Variants in SULF2 observed in about 807,000 individuals in gnomAD.
SULF2 encodes the protein sulfatase 2.
In SULF2, 52 loss-of-function variants were observed where a neutral mutation model predicts 107.7. The observed-to-expected ratio is 0.48, with a 90% CI of 0.39 to 0.61. The LOEUF is 0.61. Ranked by LOEUF, SULF2 falls within the 20% of genes least tolerant of loss-of-function variation. The pLI is 0.00. For missense variants in SULF2, 993 were observed against 1,177.3 expected, an observed-to-expected ratio of 0.84 and a Z score of 2.29; for synonymous variants, 460 against 464.3, an observed-to-expected ratio of 0.99 and a Z score of 0.12.
intron 1 of SULF2, among the ~76,000 whole-genome samples, chr20:47,767,831 G>C (rs780757821): frequency 6.6e-6 from 1 of 151,636 alleles, no homozygotes; most frequent in South Asian, 2.1e-4. Context: ...TCAGTTACTC[G>C]GGAGGCCAAG....
intron 2 of SULF2, among the ~76,000 whole-genome samples, chr20:47,742,780 A>G (rs563621036): frequency 7.9e-5 from 12 of 152,166 alleles, no homozygotes; most frequent in Admixed American, 2.0e-4. Flanking sequence ...GATAAAATCA[A>G]TATTTTGCTG....
At chr20:47,702,908 C>G (rs981398896) in intron 3 of SULF2, among the ~76,000 whole-genome samples, 7 of 152,132 alleles carry the variant, frequency 4.6e-5, no homozygotes, top group African/African-American at 1.7e-4. Context: ...ATTTGCGATA[C>G]AGTGTGTCTT....
chr20:47,690,824 G>T (rs1474455083), intron 4 of SULF2, among the ~76,000 whole-genome samples: 2 of 147,436 alleles, frequency 1.4e-5, no homozygotes, highest in Admixed American at 1.4e-4. Flanking sequence ...AGCCACGACT[G>T]CATGATTGCA....
chr20:47,670,443 T>C (rs2087425209), intron 11 of SULF2, among the ~76,000 whole-genome samples: 1 of 151,356 alleles, frequency 6.6e-6, no homozygotes, highest in African/African-American at 2.4e-5. Flanking sequence ...CCGCCTGCCT[T>C]GGCCTCCCGA....
At chr20:47,723,337 C>T (rs190844586) in intron 3 of SULF2, among the ~76,000 whole-genome samples, 11 of 151,898 alleles carry the variant, frequency 7.2e-5, no homozygotes, top group Middle Eastern at 3.4e-3. Context: ...GTGTCATGGT[C>T]GAGAATGAGA....
chr20:47,669,968 T>G (rs899178495), intron 11 of SULF2, among the ~76,000 whole-genome samples: 5 of 152,134 alleles, frequency 3.3e-5, no homozygotes, highest in Admixed American at 6.5e-5. Context: ...GAAAAGTTAA[T>G]GTAGTAGTTC....
At position 47,742,927 on chromosome 20, in the gene SULF2, A is replaced by ATTTTTTTTTTTTTT. The variant is rs397837137; in HGVS notation, c.176-5999_176-5986dup. The stretch of plus-strand genomic sequence containing the variant: ...AGGGAGTTTCAGGATTCAAAACATG[A>ATTTTTTTTTTTTTT]TTTTTTTTTTTTTTTTTTTTTTTTT... On this transcript the variant is annotated intron_variant, in intron 2 of 20. Coordinates refer to ENST00000688720, the MANE Select transcript of SULF2 (RefSeq NM_001387048.1). Among the ~76,000 whole-genome samples, 21 of 99,452 alleles carry ATTTTTTTTTTTTTT rather than the reference A, an allele frequency of 2.1e-4. 9 individuals carry two copies. The highest frequency in any genetic ancestry group is 2.0e-4 in the Non-Finnish European group (10 of 50,786). 65.2% of individuals were successfully genotyped at this position (99,452 alleles called of 152,430 possible).
At chr20:47,704,072 T>C (rs546365541) in intron 3 of SULF2, among the ~76,000 whole-genome samples, 96 of 152,326 alleles carry the variant, frequency 6.3e-4, no homozygotes, top group African/African-American at 2.3e-3. Context: ...TATTTCTTGC[T>C]GGAGCAGGTG....
chr20:47,681,582 T>G (rs2087824089), intron 7 of SULF2, among the ~76,000 whole-genome samples: 1 of 152,304 alleles, frequency 6.6e-6, no homozygotes, highest in African/African-American at 2.4e-5. Flanking sequence ...CTTCCCTTAC[T>G]TGCTGTAAAC....
intron 1 of SULF2, among the ~76,000 whole-genome samples, chr20:47,765,920 G>T (rs1193373592): frequency 6.6e-6 from 1 of 152,256 alleles, no homozygotes; most frequent in Non-Finnish European, 1.5e-5. Flanking sequence ...TGGCCTGGGA[G>T]CAGTCAGGGA....
intron 20 of SULF2, 130 bp downstream of exon 20, chr20:47,659,269 T>G: frequency 3.9e-6 from 3 of 779,206 alleles, no homozygotes; most frequent in South Asian, 3.1e-5. Flanking sequence ...GCATTAGTAC[T>G]TCCCCCCCAC....
In SULF2 at chr20:47,672,237, G is replaced by A; in HGVS notation, c.1537C>T (p.Leu513Phe). 6.2e-7 allele frequency: 1 copy of A among 1,612,608 alleles called. No homozygotes were observed. The highest frequency in any genetic ancestry group is 1.3e-5 in the African/African-American group (1 of 75,026). The change falls in exon 11 of 21, where the codon CTC becomes TTC. Residue 513 changes from leucine to phenylalanine, a missense_variant. By Grantham distance (22) the Leu-to-Phe change is conservative. Coordinates refer to ENST00000688720, the MANE Select transcript of SULF2 (RefSeq NM_001387048.1). ...TTTTTCCGGCGTCCGGCCAGGCTGAGCTTGTAGTCCCCGCTGTCACAGGTG... is the reference window on the plus strand; with the variant it reads ...TTTTTCCGGCGTCCGGCCAGGCTGAACTTGTAGTCCCCGCTGTCACAGGTG... The part of the protein sequence containing the change: ...ACTCDSGDYK[L>F]SLAGRRKKLF...
chr20:47,728,691 G>T (rs908831038), intron 3 of SULF2, among the ~76,000 whole-genome samples: 1 of 152,196 alleles, frequency 6.6e-6, no homozygotes, highest in Non-Finnish European at 1.5e-5. Flanking sequence ...TCACCCAAGC[G>T]ACAGAGTGTA....
Position 47,678,694 on chromosome 20 carries a change from G to A in SULF2, c.1175C>T (p.Thr392Met), listed in dbSNP as rs555983051. Reference protein sequence around the residue: ...DGKSILKLLDTERPVNRFHLK... With the variant: ...DGKSILKLLDMERPVNRFHLK... ...TCCTCACCGATTCACCGGCCGCTCC[G>A]TGTCCAGCAGCTTGAGGATGGATTT... Residue 392 changes from threonine (T) to methionine (M), a missense_variant, in exon 8 of 21, where the codon ACG (threonine) becomes ATG (methionine). Around this residue, in one of 3 missense-constraint regions of SULF2, gnomAD observed 108 missense variants for 183.9 expected, o/e 0.59. Transcript: ENST00000688720. The surrounding 1 kb of genome is among the most constrained non-coding windows in gnomAD (Gnocchi z 4.5). 3.0e-5 allele frequency: 48 copies of A among 1,613,870 alleles called. No individual in the cohort carries two copies. The East Asian group carries it at 4.0e-4, about 13-fold the overall frequency.
At chr20:47,733,679 A>G (rs968469047) in intron 3 of SULF2, among the ~76,000 whole-genome samples, 3 of 152,212 alleles carry the variant, frequency 2.0e-5, no homozygotes, top group Non-Finnish European at 4.4e-5. Context: ...AGGCTGAGAC[A>G]GGAGAATCGC....
At chr20:47,669,648 C>G (rs552963005) in intron 11 of SULF2, among the ~76,000 whole-genome samples, 4 of 152,264 alleles carry the variant, frequency 2.6e-5, no homozygotes, top group Middle Eastern at 3.4e-3. Context: ...GTCCCCAAAT[C>G]AGCCACGTGA....
chr20:47,730,242 CCT>C (rs1299580173), intron 3 of SULF2, among the ~76,000 whole-genome samples: 1 of 152,200 alleles, frequency 6.6e-6, no homozygotes, highest in African/African-American at 2.4e-5. Context: ...CCCCTGCTCC[CCT>C]GACGCATTTT....
At chr20:47,731,182 CTTCTCTTT>C (rs1361714490) in intron 3 of SULF2, among the ~76,000 whole-genome samples, 11 of 99,596 alleles carry the variant, frequency 1.1e-4, no homozygotes, top group Non-Finnish European at 1.5e-4. Flanking sequence ...TCACCTGTAT[CTTCTCTTT>C]TTTTTTTTTT....
intron 3 of SULF2, among the ~76,000 whole-genome samples, chr20:47,711,078 C>A (rs1261996593): frequency 6.6e-6 from 1 of 152,216 alleles, no homozygotes; most frequent in Non-Finnish European, 1.5e-5. Context: ...ACTAAGCAAG[C>A]CACGGACAAT....
Sources: gnomAD v4.1 joint callset for allele counts (sites outside exome capture counted in the v4.1 genomes callset) on GRCh38, gnomAD v4.1.1 for gene constraint, gnomAD v4.1.1 regional missense constraint, Gnocchi (gnomAD v3.1) non-coding constraint, MANE v1.5 for transcripts, NCBI Gene and HGNC (gene_info 2026-07-23, HGNC 2026-07-21) for gene names.